The following RAB8B variants were observed in gnomAD, a reference collection of about 807,000 sequenced individuals.
RAB8B encodes ras-related protein Rab-8B.
Under a neutral mutation model 32.0 loss-of-function variants are expected in RAB8B, and 11 were observed. That is an observed-to-expected ratio of 0.34 (90% CI 0.22 to 0.57). The LOEUF (loss-of-function observed/expected upper bound fraction) is 0.57, where lower values mean the gene tolerates loss of function less well. Among genes scored for constraint, RAB8B ranks in the 20% least tolerant of loss-of-function variants. The pLI is 0.86. For missense variants in RAB8B, 190 were observed against 258.5 expected (o/e 0.73, Z 1.82); for synonymous variants, 103 against 89.6 (o/e 1.15, Z -0.85).
chr15:63,222,442 G>A lies in RAB8B; in HGVS notation c.125-22314G>A, dbSNP rs542566984. On this transcript the variant is annotated intron_variant, in intron 1 of 7. Transcript: ENST00000321437. ...TTCCCTCTATTAAATTCCTTCTGTT[G>A]TAAATACAGTCATGCACCACATAAC... Among the ~76,000 whole-genome samples, 84 of 152,236 alleles carry A rather than the reference G, an allele frequency of 5.5e-4. 2 individuals are homozygous for A. The South Asian group carries it at 0.013, about 23-fold the overall frequency.
intron 1 of RAB8B, among the ~76,000 whole-genome samples, chr15:63,217,086 A>G (rs775825063): frequency 6.6e-6 from 1 of 152,148 alleles, no homozygotes; most frequent in Non-Finnish European, 1.5e-5. Context: ...AGCTCATGGT[A>G]GTTTCCTTCA....
Position 63,263,588 on chromosome 15 carries a change from A to G in RAB8B, c.593A>G (p.Lys198Arg). The G allele has an allele frequency of 6.2e-7, 1 of 1,612,420 alleles. No individual in the cohort carries two copies. The highest frequency in any genetic ancestry group is 2.2e-5 in the East Asian group (1 of 44,882). The change falls in exon 8 of 8, where the codon AAG (lysine) becomes AGG (arginine). Residue 198 changes from lysine to arginine, a missense_variant. Transcript: ENST00000321437. ...AAAATAACAGAAAACCGATCAAAGA[A>G]GACCAGTTTCTTTCGTTGCTCGCTA... ...PVKITENRSKKTSFFRCSLL is the reference protein window; with the variant it reads ...PVKITENRSKRTSFFRCSLL
intron 3 of RAB8B, among the ~76,000 whole-genome samples, chr15:63,255,205 T>A (rs768104955): frequency 3.3e-5 from 5 of 152,158 alleles, no homozygotes; most frequent in South Asian, 2.1e-4. Context: ...TCAGCTCCAA[T>A]TGGGGCTGAT....
chr15:63,208,116 T>C lies in RAB8B; in HGVS notation c.124+18368T>C, dbSNP rs138154190. On this transcript the variant is annotated intron_variant, in intron 1 of 7. Transcript: ENST00000321437. ...TCCCTCCCTTAAAAGTCTTATTTTT[T>C]ACTTTGTCCACTGGAATACATCATC... Among the ~76,000 whole-genome samples the C allele has an allele frequency of 3.3e-5, 5 of 152,214 alleles. No homozygotes were observed. The East Asian group carries it at 9.6e-4, about 29-fold the overall frequency.
chr15:63,229,581 A>G (rs752347445), intron 1 of RAB8B, among the ~76,000 whole-genome samples: 1 of 152,084 alleles, frequency 6.6e-6, no homozygotes, highest in Non-Finnish European at 1.5e-5. Context: ...CAGGAGTTCA[A>G]GCCATTCTGG....
chr15:63,209,757 T>G (rs938041323), intron 1 of RAB8B, among the ~76,000 whole-genome samples: 12 of 152,126 alleles, frequency 7.9e-5, no homozygotes, highest in Non-Finnish European at 1.8e-4. Flanking sequence ...TTATCTTTTT[T>G]TTTTTAATTA....
intron 1 of RAB8B, among the ~76,000 whole-genome samples, chr15:63,200,857 C>T (rs938404198): frequency 8.5e-5 from 13 of 152,314 alleles, no homozygotes; most frequent in Non-Finnish European, 1.8e-4. Flanking sequence ...GCCTTCATTT[C>T]TCTTGCTATG....
intron 1 of RAB8B, among the ~76,000 whole-genome samples, chr15:63,191,906 G>A (rs999993831): frequency 3.3e-5 from 5 of 152,126 alleles, no homozygotes; most frequent in South Asian, 2.1e-4. Context: ...CATTTTGAAG[G>A]GTTCAAGTCT....
rs1239182936 is a variant in RAB8B, at chr15:63,249,645, G to A, written c.186G>A (p.Trp62Ter). The change falls in exon 3 of 8, where the codon TGG becomes TGA. Residue 62 changes from tryptophan to a stop codon, truncating the protein, a stop_gained and splice_region_variant. Coordinates refer to ENST00000321437, the MANE Select transcript of RAB8B (RefSeq NM_016530.3). LOFTEE classifies it high-confidence loss of function. ...LDGKKIKLQIWDTAGQERFRT... is the reference protein window; with the variant it reads ...LDGKKIKLQI ...CACTCTCCTTTGTTTCATATTTTAGGGACACAGCGGGTCAGGAAAGATTCC... is the reference window on the plus strand; with the variant it reads ...CACTCTCCTTTGTTTCATATTTTAGAGACACAGCGGGTCAGGAAAGATTCC... 1 of 1,613,514 alleles carries A rather than the reference G, an allele frequency of 6.2e-7. No individual in the cohort carries two copies.
chr15:63,235,931 C>A (rs1255598102), intron 1 of RAB8B, among the ~76,000 whole-genome samples: 2 of 152,136 alleles, frequency 1.3e-5, no homozygotes, highest in Non-Finnish European at 1.5e-5. Flanking sequence ...TACTATGACC[C>A]TTAAAGAGGA....
At chr15:63,233,564 A>G (rs1251955245) in intron 1 of RAB8B, among the ~76,000 whole-genome samples, 4 of 152,252 alleles carry the variant, frequency 2.6e-5, no homozygotes, top group Non-Finnish European at 5.9e-5. Context: ...AACCAAAAAA[A>G]GCATAAGCAA....
chr15:63,206,395 AT>A (rs1244518969), intron 1 of RAB8B, among the ~76,000 whole-genome samples: 5 of 152,016 alleles, frequency 3.3e-5, no homozygotes, highest in African/African-American at 1.2e-4. Context: ...TCTCACTGAA[AT>A]CATAGCAGAA....
At chr15:63,260,251 C>CT (rs1369743805) in intron 6 of RAB8B, among the ~76,000 whole-genome samples, 3 of 152,124 alleles carry the variant, frequency 2.0e-5, no homozygotes, top group Non-Finnish European at 4.4e-5. Flanking sequence ...CAGTTTTGCC[C>CT]TTTTTTTGGG....
chr15:63,196,387 G>C (rs2037600279), intron 1 of RAB8B, among the ~76,000 whole-genome samples: 1 of 152,160 alleles, frequency 6.6e-6, no homozygotes, highest in African/African-American at 2.4e-5. Context: ...AGTATGTTTG[G>C]CATTATGGAG....
rs1228671051 is a variant in RAB8B, at chr15:63,266,641, T to C, written c.*3022T>C. 1 of 152,578 alleles carries C rather than the reference T, an allele frequency of 6.6e-6. No homozygotes were observed. The highest frequency in any genetic ancestry group is 2.4e-5 in the African/African-American group (1 of 41,456). The allele number at this position is 152,578 out of a possible 1,614,324, so 9.5% of individuals were successfully genotyped here. On this transcript the variant is annotated 3_prime_UTR_variant, in exon 8 of 8. Transcript: ENST00000321437. ...GTTTTGTTTTGAACTGAAGACATCATTGGGAAAGGTAGGAAATATTAGTTT... is the reference window on the plus strand; with the variant it reads ...GTTTTGTTTTGAACTGAAGACATCACTGGGAAAGGTAGGAAATATTAGTTT...
intron 1 of RAB8B, among the ~76,000 whole-genome samples, chr15:63,219,630 A>C (rs924367903): frequency 5.3e-5 from 8 of 152,180 alleles, no homozygotes; most frequent in African/African-American, 1.9e-4. Context: ...TTATATAAAA[A>C]TTATTTCTTA....
intron 1 of RAB8B, among the ~76,000 whole-genome samples, chr15:63,231,382 C>T (rs941386603): frequency 1.3e-5 from 2 of 152,030 alleles, no homozygotes; most frequent in Non-Finnish European, 2.9e-5. Context: ...ATTTTTGGTG[C>T]AACATCATTG....
chr15:63,226,499 G>A (rs565605075), intron 1 of RAB8B, among the ~76,000 whole-genome samples: 1 of 152,154 alleles, frequency 6.6e-6, no homozygotes, highest in Non-Finnish European at 1.5e-5. Flanking sequence ...TTAAATATCA[G>A]TTTTTCAGAA....
intron 2 of RAB8B, among the ~76,000 whole-genome samples, chr15:63,246,523 G>A (rs911033339): frequency 8.5e-5 from 13 of 152,196 alleles, no homozygotes; most frequent in East Asian, 1.9e-4. Context: ...AGATGGAAGA[G>A]ATACACAGGG....
Sources: gnomAD v4.1 joint callset for allele counts (sites outside exome capture counted in the v4.1 genomes callset) on GRCh38, gnomAD v4.1.1 for gene constraint, MANE v1.5 for transcripts, NCBI Gene and HGNC (gene_info 2026-07-23, HGNC 2026-07-21) for gene names.